Variants in NELL1 observed in about 807,000 individuals in gnomAD.
NELL1 encodes neural EGFL like 1, also known as protein kinase C-binding protein NELL1.
A neutral mutation model predicts 107.4 loss-of-function variants in NELL1; 76 were observed. The ratio of observed to expected loss-of-function variants is 0.71; its 90% CI spans 0.59 to 0.86. The LOEUF (loss-of-function observed/expected upper bound fraction) is 0.86, where lower values mean the gene tolerates loss of function less well. NELL1 is among the 40% of genes least tolerant of loss of function. The probability of loss-of-function intolerance (pLI) is 0.00; values close to 1 mark genes in which losing one functional copy is unlikely to be tolerated. For synonymous variants in NELL1, 353 were observed against 341.2 expected (o/e 1.03, Z -0.38); for missense variants, 1,024 against 1,005.5 (o/e 1.02, Z -0.25).
At chr11:21,160,031 T>C (rs896474481) in intron 13 of NELL1, among the ~76,000 whole-genome samples, 7 of 152,238 alleles carry the variant, frequency 4.6e-5, no homozygotes, top group African/African-American at 1.7e-4. Flanking sequence ...CAATAGCTAA[T>C]CTGCATGTAA....
intron 12 of NELL1, among the ~76,000 whole-genome samples, chr11:20,989,154 A>G (rs1271701116): frequency 6.6e-6 from 1 of 152,178 alleles, no homozygotes; most frequent in Non-Finnish European, 1.5e-5. Context: ...GTGATGCAGA[A>G]TGCTCTTTCT....
chr11:20,879,232 G>T (rs1849363197), intron 4 of NELL1, among the ~76,000 whole-genome samples: 1 of 152,180 alleles, frequency 6.6e-6, no homozygotes, highest in Admixed American at 6.5e-5. Context: ...GTGGGTCATG[G>T]AAGCTACCGT....
intron 12 of NELL1, among the ~76,000 whole-genome samples, chr11:21,081,268 A>G (rs1854262507): frequency 6.6e-6 from 1 of 151,994 alleles, no homozygotes; most frequent in Non-Finnish European, 1.5e-5. Context: ...AACACATTCT[A>G]TTGTTTCCCT....
intron 4 of NELL1, among the ~76,000 whole-genome samples, chr11:20,877,472 A>G (rs1849325587): frequency 6.6e-6 from 1 of 152,234 alleles, no homozygotes; most frequent in African/African-American, 2.4e-5. Context: ...CTTCATAAGT[A>G]GTGTTGTTGA....
intron 15 of NELL1, among the ~76,000 whole-genome samples, chr11:21,435,379 GT>G (rs1019401143): frequency 6.8e-6 from 1 of 147,880 alleles, no homozygotes; most frequent in African/African-American, 2.5e-5. Flanking sequence ...ACTTTGTTGA[GT>G]TTTTTGTTTG....
At chr11:21,108,711 T>C (rs775054084) in intron 12 of NELL1, among the ~76,000 whole-genome samples, 37 of 152,218 alleles carry the variant, frequency 2.4e-4, no homozygotes, top group Non-Finnish European at 4.3e-4. Context: ...GGGAGCAAAA[T>C]GCTTCTGTCT....
chr11:21,160,657 T>TA (rs1374880186), intron 13 of NELL1, among the ~76,000 whole-genome samples: 2 of 152,188 alleles, frequency 1.3e-5, no homozygotes, highest in African/African-American at 2.4e-5. Context: ...GGAGCTTTCA[T>TA]AAAAAATAAT....
chr11:21,123,331 C>CTGTGTG, intron 13 of NELL1, among the ~76,000 whole-genome samples: 1 of 112,532 alleles, frequency 8.9e-6, no homozygotes, highest in African/African-American at 3.8e-5. Flanking sequence ...ATGTGTGTGC[C>CTGTGTG]TGCGTGTGTG....
chr11:20,736,295 A>C (rs75550581), intron 2 of NELL1, among the ~76,000 whole-genome samples: 2,521 of 152,230 alleles, frequency 0.017, 67 homozygotes, highest in African/African-American at 0.058. Flanking sequence ...GGGCAGGAGA[A>C]AGACAGTTAG....
In NELL1 at chr11:21,376,204, A is replaced by G. The variant is rs183260018; in HGVS notation, c.1645+5256A>G. Among the ~76,000 whole-genome samples the G allele has an allele frequency of 2.6e-5, 4 of 152,164 alleles. No individual in the cohort carries two copies. The East Asian group carries it at 7.7e-4, about 29-fold the overall frequency. On this transcript the variant is annotated intron_variant, in intron 15 of 19. Transcript: ENST00000357134. ...GGTCTTATATTTAATTCTTTAATCC[A>G]TCTTGAGTTAATTTTTTGTATATGG...
intron 15 of NELL1, among the ~76,000 whole-genome samples, chr11:21,434,815 C>G (rs577648002): frequency 6.6e-6 from 1 of 152,030 alleles, no homozygotes; most frequent in South Asian, 2.1e-4. Flanking sequence ...ATAATATTAA[C>G]TGTCCTATTC....
chr11:21,301,639 A>T (rs1849493692), intron 14 of NELL1, among the ~76,000 whole-genome samples: 1 of 151,946 alleles, frequency 6.6e-6, no homozygotes, highest in African/African-American at 2.4e-5. Flanking sequence ...TAGTTTCTGG[A>T]TATTATCCCT....
intron 14 of NELL1, among the ~76,000 whole-genome samples, chr11:21,276,198 C>T (rs907838727): frequency 3.2e-4 from 48 of 152,232 alleles, no homozygotes; most frequent in Non-Finnish European, 6.9e-4. Flanking sequence ...GCAACTTCAG[C>T]AAAGTCTCAG....
intron 15 of NELL1, among the ~76,000 whole-genome samples, chr11:21,502,674 A>T (rs1467893372): frequency 6.6e-6 from 1 of 152,082 alleles, no homozygotes; most frequent in Non-Finnish European, 1.5e-5. Flanking sequence ...GACAGTTTTT[A>T]GCTTTAGGAT....
At chr11:21,543,133 A>G (rs912959122) in intron 16 of NELL1, among the ~76,000 whole-genome samples, 6 of 152,010 alleles carry the variant, frequency 3.9e-5, no homozygotes, top group South Asian at 4.2e-4. Context: ...TTTTCTCTCT[A>G]TGCTAAACAA....
chr11:21,440,316 T>C (rs80234751), intron 15 of NELL1, among the ~76,000 whole-genome samples: 1 of 151,968 alleles, frequency 6.6e-6, no homozygotes, highest in African/African-American at 2.4e-5. Flanking sequence ...TTTTTTTTTT[T>C]GATGACTTAG....
chr11:20,980,207 G>A (rs1278808771), intron 12 of NELL1, among the ~76,000 whole-genome samples: 1 of 152,148 alleles, frequency 6.6e-6, no homozygotes, highest in East Asian at 1.9e-4. Flanking sequence ...GGAGGAAGGA[G>A]GTTAACGTTT....
chr11:21,185,836 C>T (rs1343453964), intron 13 of NELL1, among the ~76,000 whole-genome samples: 1 of 151,726 alleles, frequency 6.6e-6, no homozygotes, highest in Non-Finnish European at 1.5e-5. Context: ...CCTTATCTGG[C>T]CTTTGATGAG....
At chr11:21,254,250 T>C (rs1248576656) in intron 14 of NELL1, among the ~76,000 whole-genome samples, 5 of 152,118 alleles carry the variant, frequency 3.3e-5, no homozygotes, top group African/African-American at 9.7e-5. Context: ...AGTCAGCATA[T>C]GTTAAGTATA....
Sources: gnomAD v4.1 joint callset for allele counts (sites outside exome capture counted in the v4.1 genomes callset) on GRCh38, gnomAD v4.1.1 for gene constraint, MANE v1.5 for transcripts, NCBI Gene and HGNC (gene_info 2026-07-23, HGNC 2026-07-21) for gene names.